Variants in AP3B2 observed in about 807,000 individuals in gnomAD.
AP3B2 encodes the protein adaptor related protein complex 3 subunit beta 2.
AP3B2 carries 50 observed loss-of-function variants against 126.9 expected under a neutral mutation model. The observed-to-expected ratio is 0.39, with a 90% CI of 0.31 to 0.50. The LOEUF is 0.50. Ranked by LOEUF, AP3B2 falls within the 20% of genes least tolerant of loss-of-function variation. The pLI, the probability that AP3B2 is intolerant of heterozygous loss-of-function variation, is 0.79. For missense variants in AP3B2, 1,177 were observed against 1,426.4 expected (o/e 0.83, Z 2.82); for synonymous variants, 541 against 565.0 (o/e 0.96, Z 0.60).
intron 3 of AP3B2, 34 bp from the exon 4 acceptor site, chr15:82,688,865 C>A: frequency 6.4e-7 from 1 of 1,569,768 alleles, no homozygotes; most frequent in African/African-American, 1.3e-5. Context: ...CAGAACGCTT[C>A]TCAGCAGGCA....
intron 15 of AP3B2, among the ~76,000 whole-genome samples, 183 bp downstream of exon 15, chr15:82,666,564 G>A (rs1424787956): frequency 6.6e-6 from 1 of 152,212 alleles, no homozygotes; most frequent in Admixed American, 6.5e-5. Flanking sequence ...GCTGGCAGTG[G>A]TTATGGGAGG....
chr15:82,692,359 CG>C (rs2048552344), intron 1 of AP3B2: 1 of 528,180 alleles, frequency 1.9e-6, no homozygotes, highest in African/African-American at 2.0e-5. Context: ...AGCCCAACAT[CG>C]GCACCTCCCA....
intron 4 of AP3B2, chr15:82,687,933 C>A: frequency 6.5e-6 from 1 of 155,034 alleles, no homozygotes; most frequent in South Asian, 2.0e-4. Context: ...AACCCCATCT[C>A]TACAAAAACT....
At position 82,681,190 on chromosome 15, in the gene AP3B2, A is replaced by C; in HGVS notation, c.522-12T>G. 6.2e-7 allele frequency: 1 copy of C among 1,608,078 alleles called. No individual in the cohort carries two copies. Among genetic ancestry groups the C allele is most frequent in the East Asian group, 2.2e-5 (1 of 44,626 alleles). On this transcript the variant is annotated splice_polypyrimidine_tract_variant and intron_variant, in intron 5 of 26. Transcript: ENST00000535359. This position sits in a 1 kb window ranked among gnomAD's most constrained non-coding sequence, Gnocchi z 4.0. Reference sequence around the variant, plus strand: ...GGTCAGAGTCCAAACTGAGGGAGAAATCGGTGAGGGGAATTTGCCACTCTC... The same window carrying C: ...GGTCAGAGTCCAAACTGAGGGAGAACTCGGTGAGGGGAATTTGCCACTCTC...
intron 4 of AP3B2, among the ~76,000 whole-genome samples, chr15:82,682,924 C>CAAAA (rs35153505): frequency 7.4e-6 from 1 of 134,274 alleles, no homozygotes. Flanking sequence ...CCAGTCTCTA[C>CAAAA]AAAAAAAAAA....
intron 1 of AP3B2, among the ~76,000 whole-genome samples, chr15:82,705,036 T>A (rs1260929978): frequency 6.6e-6 from 1 of 152,106 alleles, no homozygotes; most frequent in Non-Finnish European, 1.5e-5. Context: ...AATTATCTGC[T>A]TCCCTGACTA....
chr15:82,686,414 TAA>T (rs1228011010), intron 4 of AP3B2: 1 of 152,192 alleles, frequency 6.6e-6, no homozygotes, highest in East Asian at 1.9e-4. Flanking sequence ...AAACAAGTTT[TAA>T]AGGAATACAT....
At chr15:82,662,538 T>C in intron 23 of AP3B2, 156 bp downstream of exon 23, 2 of 773,650 alleles carry the variant, frequency 2.6e-6, no homozygotes, top group Non-Finnish European at 4.1e-6. Flanking sequence ...TATTTCATCA[T>C]CTGTCTTGTC....
intron 4 of AP3B2, among the ~76,000 whole-genome samples, chr15:82,682,429 T>G (rs2048354738): frequency 6.6e-6 from 1 of 152,134 alleles, no homozygotes; most frequent in Non-Finnish European, 1.5e-5. Flanking sequence ...ATTGTGATCA[T>G]GGGGCTTAGG....
chr15:82,662,002 C>T, intron 24 of AP3B2, 80 bp from the exon 25 acceptor site: 1 of 1,416,538 alleles, frequency 7.1e-7, no homozygotes, highest in South Asian at 1.2e-5. Flanking sequence ...AGAGGCACAG[C>T]TTGGAGGCAG....
At chr15:82,661,718 C>A in intron 25 of AP3B2, 107 bp downstream of exon 25, 1 of 892,232 alleles carries the variant, frequency 1.1e-6, no homozygotes. Context: ...AGTTTGCTGA[C>A]CCCTGGTCTA....
At chr15:82,697,450 T>G (rs186790328) in intron 1 of AP3B2, among the ~76,000 whole-genome samples, 3 of 152,168 alleles carry the variant, frequency 2.0e-5, no homozygotes, top group East Asian at 3.9e-4. Flanking sequence ...GGAAAGAGCA[T>G]GATAACAATC....
chr15:82,676,147 G>A (rs1292168409), intron 14 of AP3B2, among the ~76,000 whole-genome samples: 1 of 152,168 alleles, frequency 6.6e-6, no homozygotes, highest in Admixed American at 6.5e-5. Context: ...CCACTGTTGG[G>A]CCCTTCCCTT....
intron 1 of AP3B2, chr15:82,691,998 T>G: frequency 6.9e-7 from 1 of 1,457,856 alleles, no homozygotes; most frequent in Non-Finnish European, 9.5e-7. Context: ...ACTTCTCGCA[T>G]GTGATCCTTC....
In AP3B2 at chr15:82,680,331, G is replaced by A; in HGVS notation, c.1056-102C>T. The A allele has an allele frequency of 3.2e-6, 5 of 1,557,904 alleles. No individual in the cohort carries two copies. The highest frequency in any genetic ancestry group is 4.4e-6 in the Non-Finnish European group (5 of 1,146,220). ...GCAAGTCGTTGCGGGGAGAGGACCA[G>A]TGCGGAGGGCAGGACTACGGTCAGT... is the stretch of plus-strand genomic sequence containing the variant. On this transcript the variant is annotated intron_variant, in intron 8 of 26. Transcript: ENST00000535359. The surrounding 1 kb of genome is among the most constrained non-coding windows in gnomAD (Gnocchi z 6.1).
chr15:82,689,342 C>G (rs1177695469), intron 2 of AP3B2, 36 bp downstream of exon 2: 1 of 1,612,850 alleles, frequency 6.2e-7, no homozygotes, highest in South Asian at 1.1e-5. Context: ...CCACCCAGGC[C>G]CCGCCCGGAG....
intron 23 of AP3B2, 123 bp from the exon 24 acceptor site, chr15:82,662,375 G>A: frequency 3.8e-6 from 3 of 788,204 alleles, no homozygotes; most frequent in Non-Finnish European, 6.3e-6. Flanking sequence ...ACAGAATCTT[G>A]GCTTTCTTGG....
At position 82,664,636 on chromosome 15, in the gene AP3B2, A is replaced by T. The variant is rs2048019558; in HGVS notation, c.2138-146T>A. On this transcript the variant is annotated intron_variant, in intron 18 of 26. Transcript: ENST00000535359. The surrounding 1 kb of genome is among the most constrained non-coding windows in gnomAD (Gnocchi z 4.5). Reference sequence around the variant, plus strand: ...CAGCCCTACATGCCAGCTGGAACTGACAGAAACACAGATGGACTCCATGGA... The same window carrying T: ...CAGCCCTACATGCCAGCTGGAACTGTCAGAAACACAGATGGACTCCATGGA... The T allele has an allele frequency of 5.3e-6, 6 of 1,128,744 alleles. No homozygotes were observed. The highest frequency in any genetic ancestry group is 7.6e-6 in the Non-Finnish European group (6 of 794,532). The allele number at this position is 1,128,744 out of a possible 1,614,324, so 69.9% of individuals were successfully genotyped here.
intron 11 of AP3B2, 129 bp from the exon 12 acceptor site, chr15:82,677,932 T>C (rs963373269): frequency 7.5e-7 from 1 of 1,333,008 alleles, no homozygotes. Flanking sequence ...GGGTGACAAC[T>C]CCACCCCCAA....
Sources: allele counts gnomAD v4.1 joint callset (sites outside exome capture counted in the v4.1 genomes callset), GRCh38; gene constraint gnomAD v4.1.1; non-coding constraint Gnocchi (gnomAD v3.1); transcripts MANE v1.5; gene names NCBI Gene and HGNC (gene_info 2026-07-23, HGNC 2026-07-21).